VAT1L: variants seen among roughly 807,000 people sequenced by gnomAD.
The protein encoded by VAT1L is putative NADPH-dependent quinone oxidoreductase VAT1L.
VAT1L carries 34 observed loss-of-function variants against 44.1 expected under a neutral mutation model. The observed-to-expected ratio is 0.77, with a 90% CI of 0.59 to 1.03. The LOEUF (loss-of-function observed/expected upper bound fraction) is 1.03, where lower values mean the gene tolerates loss of function less well. VAT1L is among the 50% of genes least tolerant of loss of function. VAT1L has a pLI of 0.00. For missense variants in VAT1L, 615 were observed against 538.8 expected, an observed-to-expected ratio of 1.14 and a Z score of -1.40; for synonymous variants, 253 against 202.2, an observed-to-expected ratio of 1.25 and a Z score of -2.13.
intron 6 of VAT1L, among the ~76,000 whole-genome samples, chr16:77,881,441 A>G (rs2017154797): frequency 6.6e-6 from 1 of 152,244 alleles, no homozygotes; most frequent in Non-Finnish European, 1.5e-5. Context: ...AAACCTCTGA[A>G]GAGGATAAAA....
intron 1 of VAT1L, among the ~76,000 whole-genome samples, chr16:77,812,414 T>G (rs2016281788): frequency 6.6e-6 from 1 of 152,150 alleles, no homozygotes; most frequent in African/African-American, 2.4e-5. Flanking sequence ...AACATTTGAT[T>G]TACTTGAGAT....
intron 7 of VAT1L, among the ~76,000 whole-genome samples, chr16:77,963,869 G>C (rs887931139): frequency 3.3e-5 from 5 of 152,164 alleles, no homozygotes; most frequent in African/African-American, 1.2e-4. Flanking sequence ...TCAGAGACGA[G>C]CTGTCTCACT....
intron 3 of VAT1L, among the ~76,000 whole-genome samples, chr16:77,853,644 C>A (rs1402832586): frequency 2.0e-5 from 3 of 151,922 alleles, no homozygotes; most frequent in Non-Finnish European, 4.4e-5. Context: ...GCTGCAGGGC[C>A]CCATCCTGGA....
chr16:77,976,210 G>T (rs1242669337), intron 8 of VAT1L, among the ~76,000 whole-genome samples: 5 of 152,184 alleles, frequency 3.3e-5, no homozygotes, highest in Non-Finnish European at 7.3e-5. Context: ...GGGGCAGATG[G>T]ACATTGGCCA....
At chr16:77,808,532 G>A (rs1209348880) in intron 1 of VAT1L, among the ~76,000 whole-genome samples, 1 of 152,104 alleles carries the variant, frequency 6.6e-6, no homozygotes, top group African/African-American at 2.4e-5. Context: ...GTGCCAAAAA[G>A]GTTTGGGACC....
intron 7 of VAT1L, among the ~76,000 whole-genome samples, chr16:77,904,225 C>A (rs1315468656): frequency 6.7e-6 from 1 of 148,572 alleles, no homozygotes; most frequent in Non-Finnish European, 1.5e-5. Flanking sequence ...ATTGGTGTAT[C>A]CATGTGGTTT....
rs144315368 is a variant in VAT1L, at chr16:77,886,132, G to A, written c.1077+1330G>A. On this transcript the variant is annotated intron_variant, in intron 7 of 8. Coordinates refer to ENST00000302536, the MANE Select transcript of VAT1L (RefSeq NM_020927.3). The stretch of plus-strand genomic sequence containing the variant: ...TCCTTCCAGTCTTTTTTCTATTGCA[G>A]ATGCTCACCGTGATTCAATTTAGTG... Among the ~76,000 whole-genome samples the A allele has an allele frequency of 7.7e-3, 1,176 of 152,264 alleles. 5 individuals are homozygous for A. The highest frequency in any genetic ancestry group is 0.012 in the Non-Finnish European group (842 of 68,018).
At chr16:77,926,278 T>C (rs1158848247) in intron 7 of VAT1L, among the ~76,000 whole-genome samples, 1 of 107,066 alleles carries the variant, frequency 9.3e-6, no homozygotes, top group Non-Finnish European at 1.9e-5. Flanking sequence ...AAAAAAAAAA[T>C]AGGAGTAATA....
In VAT1L at chr16:77,953,619, C is replaced by T. The variant is rs560135116; in HGVS notation, c.1078-18231C>T. 4.6e-5 allele frequency among the ~76,000 whole-genome samples: 7 copies of T among 152,188 alleles called. No homozygotes were observed. The East Asian group carries it at 1.2e-3, about 25-fold the overall frequency. ...ACAGTGGTGCAATCACAGCTCACTGCGGTCTCGAACTCCTGGGGGCTCAGC... is the reference window on the plus strand; with the variant it reads ...ACAGTGGTGCAATCACAGCTCACTGTGGTCTCGAACTCCTGGGGGCTCAGC... On this transcript the variant is annotated intron_variant, in intron 7 of 8. Coordinates refer to ENST00000302536, the MANE Select transcript of VAT1L (RefSeq NM_020927.3).
chr16:77,841,895 CTTTTTT>C (rs200350907), intron 3 of VAT1L, among the ~76,000 whole-genome samples: 4 of 148,408 alleles, frequency 2.7e-5, no homozygotes, highest in Non-Finnish European at 6.0e-5. Flanking sequence ...TTTTCTTTTT[CTTTTTT>C]TTTTGAGACA....
At chr16:77,852,871 C>G (rs2016821203) in intron 3 of VAT1L, among the ~76,000 whole-genome samples, 1 of 152,146 alleles carries the variant, frequency 6.6e-6, no homozygotes, top group African/African-American at 2.4e-5. Context: ...CTTCTCTGTG[C>G]TTCGGTTCTT....
chr16:77,799,156 G>C (rs1392796137), intron 1 of VAT1L, among the ~76,000 whole-genome samples: 1 of 151,770 alleles, frequency 6.6e-6, no homozygotes, highest in East Asian at 1.9e-4. Flanking sequence ...TTGGTCCTTT[G>C]CAAATCACAT....
intron 4 of VAT1L, among the ~76,000 whole-genome samples, chr16:77,867,953 T>G (rs975535759): frequency 1.3e-5 from 2 of 152,190 alleles, no homozygotes; most frequent in African/African-American, 4.8e-5. Context: ...AGACCTTTTG[T>G]TTTTTCATTT....
At chr16:77,808,642 C>T (rs2914447) in intron 1 of VAT1L, among the ~76,000 whole-genome samples, 164 of 151,922 alleles carry the variant, frequency 1.1e-3, no homozygotes, top group African/African-American at 3.9e-3. Context: ...GTTGCCCAGG[C>T]TGGAGTGCAA....
intron 3 of VAT1L, among the ~76,000 whole-genome samples, chr16:77,837,157 G>C (rs150347437): frequency 6.6e-6 from 1 of 152,152 alleles, no homozygotes; most frequent in East Asian, 1.9e-4. Flanking sequence ...TGAGATGGAA[G>C]GGATTTCACT....
At chr16:77,973,576 C>T (rs1405830414) in intron 8 of VAT1L, among the ~76,000 whole-genome samples, 1 of 151,916 alleles carries the variant, frequency 6.6e-6, no homozygotes, top group African/African-American at 2.4e-5. Context: ...AGCCACCATG[C>T]CTGGCCCCCA....
intron 7 of VAT1L, among the ~76,000 whole-genome samples, chr16:77,940,905 G>A (rs2017874645): frequency 6.6e-6 from 1 of 152,094 alleles, no homozygotes; most frequent in Admixed American, 6.5e-5. Context: ...AAGTCTCAGT[G>A]AGGTACTAAT....
At chr16:77,848,260 C>T (rs1445058821) in intron 3 of VAT1L, among the ~76,000 whole-genome samples, 2 of 152,170 alleles carry the variant, frequency 1.3e-5, no homozygotes, top group Non-Finnish European at 2.9e-5. Context: ...GCTCCATTTC[C>T]ACCTCATTAG....
chr16:77,801,727 A>G (rs2145214710), intron 1 of VAT1L: 1 of 152,232 alleles, frequency 6.6e-6, no homozygotes, highest in African/African-American at 2.4e-5. Context: ...AAAAAAAAAA[A>G]AAAAGCATCC....
Sources: allele counts gnomAD v4.1 joint callset (sites outside exome capture counted in the v4.1 genomes callset), GRCh38; gene constraint gnomAD v4.1.1; transcripts MANE v1.5; gene names NCBI Gene and HGNC (gene_info 2026-07-23, HGNC 2026-07-21).